OTOGL: variants seen among roughly 807,000 people sequenced by gnomAD.
OTOGL encodes the protein otogelin like.
A neutral mutation model predicts 318.5 loss-of-function variants in OTOGL; 285 were observed. The observed-to-expected ratio is 0.89, with a 90% CI of 0.81 to 0.99. The LOEUF (loss-of-function observed/expected upper bound fraction) is 0.99, where lower values mean the gene tolerates loss of function less well. OTOGL is among the 50% of genes least tolerant of loss of function. The probability of loss-of-function intolerance (pLI) is 0.00; values close to 1 mark genes in which losing one functional copy is unlikely to be tolerated. For synonymous variants in OTOGL, 987 were observed against 936.5 expected (o/e 1.05, Z -0.99); for missense variants, 2,899 against 2,845.6 (o/e 1.02, Z -0.43).
rs1418110933 is a variant in OTOGL at position 80,219,701 on chromosome 12, G to A, written c.236-113G>A. 11 of 720,460 alleles carry A rather than the reference G, an allele frequency of 1.5e-5. No individual in the cohort carries two copies. The Admixed American group carries it at 2.5e-4, about 16-fold the overall frequency. The allele number at this position is 720,460 out of a possible 1,614,324, so 44.6% of individuals were successfully genotyped here. A position where few individuals can be genotyped will look rare whatever the true frequency, so the allele number is the denominator to read the frequency against. ...AGCTTAGCAAGGCAAGAGGCTGAGA[G>A]TTCTGTTTAAGTTAATAGTGATTAC... is the stretch of plus-strand genomic sequence containing the variant. On this transcript the variant is annotated intron_variant, in intron 5 of 58. Transcript: ENST00000547103.
intron 44 of OTOGL, among the ~76,000 whole-genome samples, chr12:80,342,950 C>T (rs993579575): frequency 4.6e-5 from 7 of 152,098 alleles, no homozygotes; most frequent in African/African-American, 1.4e-4. Flanking sequence ...GGCACGATCT[C>T]GGCTCACTGC....
intron 1 of OTOGL, among the ~76,000 whole-genome samples, chr12:80,170,728 C>T (rs541730843): frequency 8.3e-4 from 126 of 152,180 alleles, no homozygotes; most frequent in African/African-American, 2.3e-3. Flanking sequence ...GCCACTGTGC[C>T]CAGCCTTCTT....
chr12:80,221,368 A>G (rs2598538), intron 6 of OTOGL, among the ~76,000 whole-genome samples: 113,189 of 151,238 alleles, frequency 0.75, 43,617 homozygotes, highest in East Asian at 1. Flanking sequence ...GGGTTCAAGC[A>G]ATTCTTGTGT....
At chr12:80,285,638 A>G (rs768924312) in intron 26 of OTOGL, among the ~76,000 whole-genome samples, 1 of 152,110 alleles carries the variant, frequency 6.6e-6, no homozygotes, top group African/African-American at 2.4e-5. Context: ...CTTTATAGCA[A>G]TTATGAATGG....
Position 80,126,832 on chromosome 12 carries a change from A to G in OTOGL, c.-20+27227A>G, listed in dbSNP as rs143646330. Reference sequence around the variant, plus strand: ...TCTCTTTTGATCTTTGTTGGTTTAAAGTCTGTTTTATCAGAGAACTAGGAT... The same window carrying G: ...TCTCTTTTGATCTTTGTTGGTTTAAGGTCTGTTTTATCAGAGAACTAGGAT... On this transcript the variant is annotated intron_variant, in intron 1 of 58. Transcript: ENST00000547103. Among the ~76,000 whole-genome samples the G allele has an allele frequency of 4.8e-3, 725 of 152,178 alleles. 5 individuals are homozygous for G. Among genetic ancestry groups the G allele is most frequent in the African/African-American group, 0.017 (690 of 41,514 alleles).
At chr12:80,260,351 A>G (rs1882425826) in intron 18 of OTOGL, among the ~76,000 whole-genome samples, 1 of 152,142 alleles carries the variant, frequency 6.6e-6, no homozygotes, top group African/African-American at 2.4e-5. Context: ...CTTGGCTATG[A>G]TGTTCAGAAA....
At chr12:80,343,365 C>A (rs1888907001) in intron 44 of OTOGL, 1 of 151,920 alleles carries the variant, frequency 6.6e-6, no homozygotes, top group Non-Finnish European at 1.5e-5. Context: ...TGCATATAAC[C>A]TACACAATTC....
In OTOGL at chr12:80,363,891, G is replaced by A. The variant is rs1049406876; in HGVS notation, c.6268-2683G>A. Among the ~76,000 whole-genome samples, 15 of 152,082 alleles carry A rather than the reference G, an allele frequency of 9.9e-5. No individual in the cohort carries two copies. In the East Asian group the frequency reaches 2.7e-3, roughly 27 times the overall value. Reference sequence around the variant, plus strand: ...TATGTTCATACATTAACCTTGGTCTGGTTGTGACCTTAGCTCTGTTTTTTA... The same window carrying A: ...TATGTTCATACATTAACCTTGGTCTAGTTGTGACCTTAGCTCTGTTTTTTA... On this transcript the variant is annotated intron_variant, in intron 52 of 58. Coordinates refer to ENST00000547103, the MANE Select transcript of OTOGL (RefSeq NM_001378609.3).
rs778385903 is a variant in OTOGL, at chr12:80,256,443, A to C, written c.1694A>C (p.Gln565Pro). 18 of 1,583,512 alleles carry C rather than the reference A, an allele frequency of 1.1e-5. No homozygotes were observed. Among genetic ancestry groups the C allele is most frequent in the Non-Finnish European group, 1.5e-5 (17 of 1,171,388 alleles). ...RGGQILTSPN[Q>P]GFNLNGIVEI... is the part of the protein sequence containing the mutation. Reference sequence around the variant, plus strand: ...GGACAAATTCTCACTAGTCCTAACCAAGGCTTCAACCTGAATGGTAAGAAA... The same window carrying C: ...GGACAAATTCTCACTAGTCCTAACCCAGGCTTCAACCTGAATGGTAAGAAA... Residue 565 changes from glutamine (Q) to proline (P), a missense_variant, in exon 17 of 59, where the codon CAA becomes CCA. Gln to Pro is a moderately conservative substitution (Grantham distance 76, BLOSUM62 -1). This residue lies in a region of OTOGL where 2,607 missense variants were observed against 2,524.9 expected (regional missense o/e 1.03). Transcript: ENST00000547103.
intron 24 of OTOGL, among the ~76,000 whole-genome samples, chr12:80,272,433 C>T (rs1883486607): frequency 6.6e-6 from 1 of 151,424 alleles, no homozygotes; most frequent in Non-Finnish European, 1.5e-5. Context: ...ATATATTCTA[C>T]TCCTATCTTC....
At chr12:80,358,059 T>C (rs1890016471) in intron 49 of OTOGL, among the ~76,000 whole-genome samples, 189 bp from the exon 50 acceptor site, 1 of 152,228 alleles carries the variant, frequency 6.6e-6, no homozygotes, top group Admixed American at 6.5e-5. Flanking sequence ...TCACTGTGCT[T>C]GGAAAGCATA....
chr12:80,339,080 A>C lies in OTOGL; in HGVS notation c.4866A>C (p.Glu1622Asp). The change falls in exon 43 of 59, where the codon GAA (glutamate) becomes GAC (aspartate). Residue 1622 changes from glutamate to aspartate, a missense_variant. By Grantham distance (45) the Glu-to-Asp change is conservative. Transcript: ENST00000547103. ...IIVNRLARKV[E>D]VDSIVVPLPF... is the part of the protein sequence containing the mutation. The stretch of plus-strand genomic sequence containing the variant: ...GTGTATTTATGTTATTCTAGGTAGA[A>C]GTGGATTCCATTGTTGTGCCTTTGC... The C allele has an allele frequency of 6.2e-7, 1 of 1,602,030 alleles. No homozygotes were observed. The highest frequency in any genetic ancestry group is 8.5e-7 in the Non-Finnish European group (1 of 1,170,640).
At chr12:80,124,335 A>T (rs1870675953) in intron 1 of OTOGL, among the ~76,000 whole-genome samples, 1 of 152,206 alleles carries the variant, frequency 6.6e-6, no homozygotes. Context: ...TTTGTCGAAG[A>T]TCAGATAGTT....
chr12:80,379,104 G>T lies in OTOGL; in HGVS notation c.*1056G>T, dbSNP rs1891333967. 1 of 152,360 alleles carries T rather than the reference G, an allele frequency of 6.6e-6. No individual in the cohort carries two copies. The highest frequency in any genetic ancestry group is 1.5e-5 in the Non-Finnish European group (1 of 67,902). 9.4% of individuals were successfully genotyped at this position (152,360 alleles called of 1,614,324 possible). The stretch of plus-strand genomic sequence containing the variant: ...ATCAATAACTTTAAAATGGAATGCT[G>T]CACTTTTAAAATATGGTAGATTATT... On this transcript the variant is annotated 3_prime_UTR_variant, in exon 59 of 59. Coordinates refer to ENST00000547103, the MANE Select transcript of OTOGL (RefSeq NM_001378609.3).
intron 1 of OTOGL, among the ~76,000 whole-genome samples, chr12:80,161,981 T>C (rs1030465918): frequency 6.6e-6 from 1 of 152,180 alleles, no homozygotes; most frequent in Non-Finnish European, 1.5e-5. Flanking sequence ...TTTAAATAAA[T>C]TCCTATAACT....
intron 9 of OTOGL, among the ~76,000 whole-genome samples, chr12:80,236,040 A>G (rs1239864119): frequency 6.6e-6 from 1 of 152,194 alleles, no homozygotes; most frequent in Non-Finnish European, 1.5e-5. Flanking sequence ...AGTGAGTTTG[A>G]TTGAATGCCA....
intron 20 of OTOGL, among the ~76,000 whole-genome samples, 156 bp from the exon 21 acceptor site, chr12:80,266,295 G>A (rs1882955503): frequency 2.0e-5 from 3 of 152,206 alleles, no homozygotes; most frequent in Admixed American, 2.0e-4. Flanking sequence ...CATTTCCACT[G>A]AGGATGTTGC....
At chr12:80,146,519 C>G in intron 1 of OTOGL, among the ~76,000 whole-genome samples, 1 of 151,560 alleles carries the variant, frequency 6.6e-6, no homozygotes, top group Non-Finnish European at 1.5e-5. Context: ...CTAAAATTCT[C>G]TTTTTTGGTT....
chr12:80,374,748 C>T (rs10746162), intron 57 of OTOGL, among the ~76,000 whole-genome samples: 129,109 of 151,752 alleles, frequency 0.85, 54,957 homozygotes, highest in South Asian at 0.88. Flanking sequence ...TCTATATCCC[C>T]ATGTTAATTA....
Sources: allele counts gnomAD v4.1 joint callset (sites outside exome capture counted in the v4.1 genomes callset), GRCh38; gene constraint gnomAD v4.1.1; regional missense constraint gnomAD v4.1.1; transcripts MANE v1.5; gene names NCBI Gene and HGNC (gene_info 2026-07-23, HGNC 2026-07-21).